The following ITGA1 variants were observed in gnomAD, a reference collection of about 807,000 sequenced individuals.
ITGA1 encodes the protein integrin alpha-1.
ITGA1 carries 85 observed loss-of-function variants against 145.9 expected under a neutral mutation model. The observed-to-expected ratio is 0.58, with a 90% CI of 0.49 to 0.70. The LOEUF (loss-of-function observed/expected upper bound fraction) is 0.70, where lower values mean the gene tolerates loss of function less well. Ranked by LOEUF, ITGA1 falls within the 30% of genes least tolerant of loss-of-function variation. The probability of loss-of-function intolerance (pLI) is 0.00; values close to 1 mark genes in which losing one functional copy is unlikely to be tolerated. For synonymous variants in ITGA1, 520 were observed against 495.3 expected, an observed-to-expected ratio of 1.05 and a Z score of -0.66; for missense variants, 1,351 against 1,418.7, an observed-to-expected ratio of 0.95 and a Z score of 0.77.
rs1314260061 is a variant in ITGA1, at chr5:52,947,540, C to T, written c.3495+79C>T. ...AGAAATAAGCTCTGATATATTCAGA[C>T]TATGTAATATAGTATTATTACAGCA... On this transcript the variant is annotated intron_variant, in intron 28 of 28. Transcript: ENST00000282588. 4 of 820,112 alleles carry T rather than the reference C, an allele frequency of 4.9e-6. No individual in the cohort carries two copies. In the Admixed American group the frequency reaches 7.5e-5, roughly 15 times the overall value. 50.8% of individuals were successfully genotyped at this position (820,112 alleles called of 1,614,324 possible).
At chr5:52,912,710 TA>T (rs1486274390) in intron 14 of ITGA1, among the ~76,000 whole-genome samples, 1 of 82,984 alleles carries the variant, frequency 1.2e-5, no homozygotes, top group African/African-American at 5.5e-5. Flanking sequence ...ACTATATATA[TA>T]GTGTGTGTGT....
rs62357174 is a variant in ITGA1, at chr5:52,950,338, G to A, written c.3496-2069G>A. Among the ~76,000 whole-genome samples, 986 of 152,214 alleles carry A rather than the reference G, an allele frequency of 6.5e-3. 8 individuals carry two copies. The highest frequency in any genetic ancestry group is 9.8e-3 in the Non-Finnish European group (668 of 68,000). ...TCTTCATCCAATATACATGTTCTGG[G>A]TGGGTGTGGATGGGGACTGGTGTCT... On this transcript the variant is annotated intron_variant, in intron 28 of 28. Transcript: ENST00000282588.
Position 52,886,953 on chromosome 5 carries a change from T to C in ITGA1, c.774-862T>C, listed in dbSNP as rs111511701. 2.2e-3 allele frequency among the ~76,000 whole-genome samples: 328 copies of C among 152,268 alleles called. 1 individual carries two copies. Among genetic ancestry groups the C allele is most frequent in the Non-Finnish European group, 2.2e-3 (148 of 68,012 alleles). Reference sequence around the variant, plus strand: ...GCCACCGCACCCGGCTAATTTTTTGTATTTTAGTAGAGACGGGGTTTCACC... The same window carrying C: ...GCCACCGCACCCGGCTAATTTTTTGCATTTTAGTAGAGACGGGGTTTCACC... On this transcript the variant is annotated intron_variant, in intron 7 of 28. Transcript: ENST00000282588.
At chr5:52,910,125 T>C in intron 13 of ITGA1, 37 bp from the exon 14 acceptor site, 1 of 1,578,366 alleles carries the variant, frequency 6.3e-7, no homozygotes. Flanking sequence ...GTAGTAATGA[T>C]GGAAATACAT....
intron 2 of ITGA1, among the ~76,000 whole-genome samples, chr5:52,856,900 T>A (rs1749523732): frequency 6.6e-6 from 1 of 152,118 alleles, no homozygotes; most frequent in Non-Finnish European, 1.5e-5. Context: ...GGCTGGAGTG[T>A]CCAAGCTGGC....
At chr5:52,846,126 C>G (rs924237090) in intron 1 of ITGA1, among the ~76,000 whole-genome samples, 1 of 152,134 alleles carries the variant, frequency 6.6e-6, no homozygotes, top group Non-Finnish European at 1.5e-5. Context: ...GGCGGCCGGG[C>G]GCAGTGACTC....
chr5:52,819,965 G>A (rs1748847140), intron 1 of ITGA1, among the ~76,000 whole-genome samples: 1 of 152,050 alleles, frequency 6.6e-6, no homozygotes, highest in Admixed American at 6.6e-5. Context: ...TAGATATGTG[G>A]CATTATTTCT....
At chr5:52,881,850 C>G in intron 6 of ITGA1, 23 bp from the exon 7 acceptor site, 1 of 1,595,090 alleles carries the variant, frequency 6.3e-7, no homozygotes, top group Non-Finnish European at 8.5e-7. Flanking sequence ...TGACGTATAA[C>G]TCACAGTGGC....
rs778185145 is a variant in ITGA1, at chr5:52,887,939, G to A, written c.898G>A (p.Glu300Lys). Residue 300 changes from glutamate to lysine, a missense_variant, in exon 8 of 29, where the codon GAA becomes AAA. Glu to Lys is a moderately conservative substitution (Grantham distance 56). Coordinates refer to ENST00000282588, the MANE Select transcript of ITGA1 (RefSeq NM_181501.2). ...LKKVIQDCED[E>K]NIQRFSIAIL... Reference sequence around the variant, plus strand: ...GAAGGTCATCCAAGACTGTGAAGATGAAAACATTCAACGGTTTTCCATAGC... The same window carrying A: ...GAAGGTCATCCAAGACTGTGAAGATAAAAACATTCAACGGTTTTCCATAGC... 6.2e-6 allele frequency: 10 copies of A among 1,613,514 alleles called. No individual in the cohort carries two copies. Among genetic ancestry groups the A allele is most frequent in the Middle Eastern group, 1.6e-4 (1 of 6,084 alleles).
chr5:52,915,844 C>A (rs10044595), intron 15 of ITGA1, among the ~76,000 whole-genome samples: 4,591 of 152,222 alleles, frequency 0.03, 267 homozygotes, highest in African/African-American at 0.11. Flanking sequence ...AATAGGTATT[C>A]TGTTTTAGGA....
rs1750867806 is a variant in ITGA1, at chr5:52,929,719, T to TA, written c.2771+21dup. The stretch of plus-strand genomic sequence containing the variant: ...GCAACAAGGTTGGTTTACATGTGTA[T>TA]AAATGTATGTATATGAATGTATATT... On this transcript the variant is annotated intron_variant, in intron 21 of 28. Coordinates refer to ENST00000282588, the MANE Select transcript of ITGA1 (RefSeq NM_181501.2). 7.5e-7 allele frequency: 1 copy of TA among 1,333,356 alleles called. No individual in the cohort carries two copies. Among genetic ancestry groups the TA allele is most frequent in the South Asian group, 1.2e-5 (1 of 82,320 alleles). 82.6% of individuals were successfully genotyped at this position (1,333,356 alleles called of 1,614,324 possible).
chr5:52,949,207 A>G (rs552595819), intron 28 of ITGA1, among the ~76,000 whole-genome samples: 2 of 152,322 alleles, frequency 1.3e-5, no homozygotes, highest in African/African-American at 4.8e-5. Context: ...TCGAATGCTT[A>G]CTATGTGCAG....
In ITGA1 at chr5:52,911,316, ATATATAGTG is replaced by A. The variant is rs1399268605; in HGVS notation, c.1857+913_1857+921del. On this transcript the variant is annotated intron_variant, in intron 14 of 28. Coordinates refer to ENST00000282588, the MANE Select transcript of ITGA1 (RefSeq NM_181501.2). ...ACAGTGTATATATAGTATATAGTGT[ATATATAGTG>A]TATATAGTGTATATATAGTATATAG... is the stretch of plus-strand genomic sequence containing the variant. Among the ~76,000 whole-genome samples the A allele has an allele frequency of 1.1e-3, 148 of 135,328 alleles. 1 individual carries two copies. Among genetic ancestry groups the A allele is most frequent in the Non-Finnish European group, 1.6e-3 (107 of 65,108 alleles). The allele number at this position is 135,328 out of a possible 152,430, so 88.8% of individuals were successfully genotyped here. A position where few individuals can be genotyped will look rare whatever the true frequency, so the allele number is the denominator to read the frequency against.
At chr5:52,917,837 A>G (rs1750670394) in intron 15 of ITGA1, among the ~76,000 whole-genome samples, 1 of 152,196 alleles carries the variant, frequency 6.6e-6, no homozygotes, top group Admixed American at 6.5e-5. Flanking sequence ...TATGATGTTT[A>G]TATTTTCTAT....
At chr5:52,849,270 C>A in intron 1 of ITGA1, 95 bp from the exon 2 acceptor site, 1 of 1,052,936 alleles carries the variant, frequency 9.5e-7, no homozygotes, top group Non-Finnish European at 1.3e-6. Flanking sequence ...ATAGAAACAG[C>A]TTTCGATGGT....
At chr5:52,911,287 A>G (rs1046770864) in intron 14 of ITGA1, among the ~76,000 whole-genome samples, 4 of 135,732 alleles carry the variant, frequency 2.9e-5, no homozygotes, top group East Asian at 2.1e-4. Flanking sequence ...TATATATAGT[A>G]TATACAGTGT....
intron 1 of ITGA1, among the ~76,000 whole-genome samples, chr5:52,837,193 CG>C (rs1336524571): frequency 6.6e-6 from 1 of 152,088 alleles, no homozygotes; most frequent in Non-Finnish European, 1.5e-5. Context: ...ACTACTGAAC[CG>C]TAGAGGAGGC....
intron 6 of ITGA1, among the ~76,000 whole-genome samples, chr5:52,873,709 A>G (rs1192763220): frequency 6.6e-6 from 1 of 152,220 alleles, no homozygotes; most frequent in Non-Finnish European, 1.5e-5. Flanking sequence ...ATAGTTTGAT[A>G]AAAGGAAATA....
rs1488749061 is a variant in ITGA1, at chr5:52,958,239, T to C, written c.*5788T>C. The C allele has an allele frequency of 6.6e-6, 1 of 152,034 alleles. No homozygotes were observed. Among genetic ancestry groups the C allele is most frequent in the African/African-American group, 2.4e-5 (1 of 41,370 alleles). 9.4% of individuals were successfully genotyped at this position (152,034 alleles called of 1,614,324 possible). A position where few individuals can be genotyped will look rare whatever the true frequency, so the allele number is the denominator to read the frequency against. ...GCACCTTGAGAGACAGGAAAAAAAA[T>C]GGGGGTGAGGGAGTGGAAGATGATG... On this transcript the variant is annotated 3_prime_UTR_variant, in exon 29 of 29. Transcript: ENST00000282588.
Sources: allele counts gnomAD v4.1 joint callset (sites outside exome capture counted in the v4.1 genomes callset), GRCh38; gene constraint gnomAD v4.1.1; transcripts MANE v1.5; gene names NCBI Gene and HGNC (gene_info 2026-07-23, HGNC 2026-07-21).